The following SLC37A3 variants were observed in gnomAD, a reference collection of about 807,000 sequenced individuals.
SLC37A3 encodes the protein sugar phosphate exchanger 3.
A neutral mutation model predicts 67.1 loss-of-function variants in SLC37A3; 51 were observed. The ratio of observed to expected loss-of-function variants is 0.76; its 90% CI spans 0.61 to 0.96. The LOEUF (loss-of-function observed/expected upper bound fraction) is 0.96, where lower values mean the gene tolerates loss of function less well. Ranked by LOEUF, SLC37A3 falls within the 40% of genes least tolerant of loss-of-function variation. The pLI is 0.00. For synonymous variants in SLC37A3, 214 were observed against 231.4 expected (o/e 0.92, Z 0.68); for missense variants, 508 against 603.0 (o/e 0.84, Z 1.65).
chr7:140,341,738 T>C (rs1451657898), intron 13 of SLC37A3, among the ~76,000 whole-genome samples: 2 of 152,194 alleles, frequency 1.3e-5, no homozygotes, highest in Non-Finnish European at 2.9e-5. Context: ...GCAATCTGAA[T>C]AAAAGCAAAT....
intron 9 of SLC37A3, among the ~76,000 whole-genome samples, chr7:140,349,538 AGG>A (rs147404251): frequency 2.6e-5 from 3 of 116,758 alleles, no homozygotes; most frequent in South Asian, 5.7e-4. Flanking sequence ...CAAAGGAAAA[AGG>A]GGGGGGGGAC....
At chr7:140,369,999 A>G (rs541708951) in intron 3 of SLC37A3, among the ~76,000 whole-genome samples, 2 of 152,206 alleles carry the variant, frequency 1.3e-5, no homozygotes, top group East Asian at 3.9e-4. Flanking sequence ...AATCCCAGCT[A>G]CTCAAGAGGC....
chr7:140,369,509 C>T (rs1797735070), intron 4 of SLC37A3, 81 bp downstream of exon 4: 4 of 1,122,842 alleles, frequency 3.6e-6, no homozygotes, highest in Middle Eastern at 2.0e-4. Flanking sequence ...AATTCAAAAT[C>T]CCTTACAAAT....
chr7:140,349,663 C>A (rs1796714907), intron 9 of SLC37A3, among the ~76,000 whole-genome samples: 1 of 152,182 alleles, frequency 6.6e-6, no homozygotes, highest in Non-Finnish European at 1.5e-5. Flanking sequence ...GCAACAGCCA[C>A]CCCCTAGAGA....
In SLC37A3 at chr7:140,345,979, A is replaced by C; in HGVS notation, c.1025-9T>G. ...GCCTTGCAAAGTTCCACCTTCAAGC[A>C]GAGTGTCGAGCAATCAAAATCACTT... On this transcript the variant is annotated splice_polypyrimidine_tract_variant and intron_variant, in intron 10 of 14. Coordinates refer to ENST00000326232, the MANE Select transcript of SLC37A3 (RefSeq NM_207113.3). The C allele has an allele frequency of 6.2e-7, 1 of 1,603,012 alleles. No homozygotes were observed. Among genetic ancestry groups the C allele is most frequent in the Non-Finnish European group, 8.5e-7 (1 of 1,170,188 alleles).
intron 7 of SLC37A3, among the ~76,000 whole-genome samples, chr7:140,354,533 A>G (rs539974638): frequency 6.6e-6 from 1 of 152,062 alleles, no homozygotes; most frequent in East Asian, 1.9e-4. Context: ...TCTATATTCT[A>G]TAGTTCCAAG....
chr7:140,359,159 C>T (rs990338984), intron 5 of SLC37A3, among the ~76,000 whole-genome samples: 2 of 151,538 alleles, frequency 1.3e-5, no homozygotes, highest in African/African-American at 2.4e-5. Flanking sequence ...CTGGCTAACA[C>T]GGTGAAACCC....
In SLC37A3 at chr7:140,337,250, T is replaced by C. The variant is rs182409947; in HGVS notation, c.1392+34A>G. On this transcript the variant is annotated intron_variant, in intron 14 of 14. Transcript: ENST00000326232. Reference sequence around the variant, plus strand: ...GCTTTGAACTTAATTAACAGAAAAATGACTTTTTTTTTTTTAAAGGGGCAC... The same window carrying C: ...GCTTTGAACTTAATTAACAGAAAAACGACTTTTTTTTTTTTAAAGGGGCAC... 4.7e-6 allele frequency: 7 copies of C among 1,496,956 alleles called. No individual in the cohort carries two copies. In the Middle Eastern group the frequency reaches 5.4e-4, roughly 116 times the overall value. The allele number at this position is 1,496,956 out of a possible 1,614,324, so 92.7% of individuals were successfully genotyped here. A position where few individuals can be genotyped will look rare whatever the true frequency, so the allele number is the denominator to read the frequency against.
intron 5 of SLC37A3, among the ~76,000 whole-genome samples, chr7:140,361,112 A>T (rs1014286821): frequency 1.3e-5 from 2 of 151,938 alleles, no homozygotes; most frequent in African/African-American, 4.8e-5. Context: ...GGAGACTGTG[A>T]GTTAGACTAT....
At chr7:140,359,719 T>C (rs554112166) in intron 5 of SLC37A3, among the ~76,000 whole-genome samples, 14 of 152,300 alleles carry the variant, frequency 9.2e-5, no homozygotes, top group East Asian at 1.9e-4. Flanking sequence ...ATAGTATGTA[T>C]AATACTGTCT....
At chr7:140,348,082 T>C (rs1035133055) in intron 10 of SLC37A3, among the ~76,000 whole-genome samples, 2 of 152,244 alleles carry the variant, frequency 1.3e-5, no homozygotes, top group African/African-American at 4.8e-5. Flanking sequence ...ATAAGTTATA[T>C]GAATGGTCTC....
intron 5 of SLC37A3, among the ~76,000 whole-genome samples, chr7:140,360,577 T>C (rs558657049): frequency 3.8e-4 from 58 of 151,320 alleles, no homozygotes; most frequent in African/African-American, 1.4e-3. Context: ...CTACTAAAAA[T>C]ACAAAAATTA....
At chr7:140,363,684 G>A (rs1429355334) in intron 5 of SLC37A3, among the ~76,000 whole-genome samples, 2 of 62,450 alleles carry the variant, frequency 3.2e-5, no homozygotes, top group Non-Finnish European at 6.3e-5. Flanking sequence ...ACCCAAGAAT[G>A]ATCAATAAAA....
chr7:140,377,257 G>C (rs1483555270), intron 3 of SLC37A3, among the ~76,000 whole-genome samples: 1 of 151,242 alleles, frequency 6.6e-6, no homozygotes, highest in Non-Finnish European at 1.5e-5. Flanking sequence ...AGAGACGGTG[G>C]TCTCTCTATG....
chr7:140,359,795 A>T (rs6953541), intron 5 of SLC37A3, among the ~76,000 whole-genome samples: 1 of 151,924 alleles, frequency 6.6e-6, no homozygotes, highest in East Asian at 1.9e-4. Context: ...AGGGGTTGCC[A>T]GGGGCTGGAG....
Position 140,358,685 on chromosome 7 carries a change from C to T in SLC37A3, c.476G>A (p.Trp159Ter), listed in dbSNP as rs1797135319. ...GCCCATAACAGCAACCACACAGGGC[C>T]AACCAGTGGACTGCAGCAGGCCGTT... ...IVNGLLQSTG[W>*]PCVVAVMGNW... Residue 159 changes from tryptophan (W) to a stop codon, truncating the protein, a stop_gained, in exon 6 of 15, where the codon TGG (tryptophan) becomes TAG (stop). Coordinates refer to ENST00000326232, the MANE Select transcript of SLC37A3 (RefSeq NM_207113.3). LOFTEE classifies it high-confidence loss of function. The T allele has an allele frequency of 6.2e-7, 1 of 1,614,034 alleles. No homozygotes were observed. Among genetic ancestry groups the T allele is most frequent in the African/African-American group, 1.3e-5 (1 of 74,928 alleles).
At chr7:140,347,161 G>A (rs1796595547) in intron 10 of SLC37A3, among the ~76,000 whole-genome samples, 1 of 151,340 alleles carries the variant, frequency 6.6e-6, no homozygotes, top group Admixed American at 6.6e-5. Flanking sequence ...TACTTAGGGA[G>A]GATCGCTTGA....
At position 140,355,383 on chromosome 7, in the gene SLC37A3, T is replaced by C. The variant is rs368776047; in HGVS notation, c.618+285A>G. ...TGCGCCACCACACCCAGCTAATTTTTGTATTTTTTGAGTAGAGACGAGGTT... is the reference window on the plus strand; with the variant it reads ...TGCGCCACCACACCCAGCTAATTTTCGTATTTTTTGAGTAGAGACGAGGTT... On this transcript the variant is annotated intron_variant, in intron 7 of 14. Transcript: ENST00000326232. Among the ~76,000 whole-genome samples, 3 of 152,284 alleles carry C rather than the reference T, an allele frequency of 2.0e-5. No homozygotes were observed. The East Asian group carries it at 5.8e-4, about 29-fold the overall frequency.
Position 140,355,658 on chromosome 7 carries a change from C to T in SLC37A3, c.618+10G>A. 6.2e-7 allele frequency: 1 copy of T among 1,610,056 alleles called. No individual in the cohort carries two copies. Among genetic ancestry groups the T allele is most frequent in the South Asian group, 1.1e-5 (1 of 90,984 alleles). ...GAGAGAGAGCACCAGAGCTAGAAAA[C>T]AATACCTACCTCATAACCATACTGA... On this transcript the variant is annotated intron_variant, in intron 7 of 14. Coordinates refer to ENST00000326232, the MANE Select transcript of SLC37A3 (RefSeq NM_207113.3).
Sources: allele counts gnomAD v4.1 joint callset (sites outside exome capture counted in the v4.1 genomes callset), GRCh38; gene constraint gnomAD v4.1.1; transcripts MANE v1.5; gene names NCBI Gene and HGNC (gene_info 2026-07-23, HGNC 2026-07-21).